Variants in ARHGEF18 observed in about 807,000 individuals in gnomAD.
The protein encoded by ARHGEF18 is Rho/Rac guanine nucleotide exchange factor 18.
ARHGEF18 carries 93 observed loss-of-function variants against 155.7 expected under a neutral mutation model. The ratio of observed to expected loss-of-function variants is 0.60; its 90% CI spans 0.50 to 0.71. The LOEUF (loss-of-function observed/expected upper bound fraction) is 0.71. ARHGEF18 is among the 30% of genes least tolerant of loss of function. The pLI is 0.00. For synonymous variants in ARHGEF18, 742 were observed against 753.1 expected, an observed-to-expected ratio of 0.99 and a Z score of 0.24; for missense variants, 1,593 against 1,816.1, an observed-to-expected ratio of 0.88 and a Z score of 2.23.
intron 10 of ARHGEF18, among the ~76,000 whole-genome samples, chr19:7,413,523 G>C (rs962952723): frequency 6.6e-6 from 1 of 152,030 alleles, no homozygotes; most frequent in South Asian, 2.1e-4. Context: ...GGATGGTTTC[G>C]ATCTCCTGAC....
chr19:7,431,098 G>A (rs1348151519), intron 10 of ARHGEF18, among the ~76,000 whole-genome samples: 1 of 152,070 alleles, frequency 6.6e-6, no homozygotes, highest in Non-Finnish European at 1.5e-5. Context: ...AGGCTGCAGT[G>A]AGCCGTGATC....
At chr19:7,362,656 C>T (rs988817524) in intron 1 of ARHGEF18, 125 bp from the exon 2 acceptor site, 2 of 896,862 alleles carry the variant, frequency 2.2e-6, no homozygotes, top group Non-Finnish European at 2.9e-6. Flanking sequence ...CCTCCCCTCA[C>T]CAACTCATTT....
At chr19:7,393,470 A>G (rs182244034) in intron 10 of ARHGEF18, among the ~76,000 whole-genome samples, 2 of 152,220 alleles carry the variant, frequency 1.3e-5, no homozygotes, top group Admixed American at 1.3e-4. Flanking sequence ...CAGACTCCCA[A>G]AGTGTTAGGA....
intron 3 of ARHGEF18, among the ~76,000 whole-genome samples, chr19:7,375,262 ACT>A (rs1167979242): frequency 1.5e-5 from 2 of 136,492 alleles, no homozygotes; most frequent in South Asian, 4.7e-4. Flanking sequence ...ACAGAGTGAG[ACT>A]CTGTCTCAAA....
chr19:7,371,834 G>T (rs1017466774), intron 2 of ARHGEF18, among the ~76,000 whole-genome samples: 10 of 152,014 alleles, frequency 6.6e-5, no homozygotes, highest in African/African-American at 2.4e-4. Context: ...AAAAAAAAAG[G>T]TTACGATGAT....
intron 19 of ARHGEF18, 71 bp downstream of exon 19, chr19:7,458,761 C>G (rs1281451866): frequency 1.3e-6 from 2 of 1,493,324 alleles, no homozygotes; most frequent in East Asian, 4.8e-5. Context: ...TGGCTTCGAC[C>G]GTTGGCCATC....
chr19:7,371,909 T>C (rs983531689), intron 2 of ARHGEF18, among the ~76,000 whole-genome samples: 5 of 152,006 alleles, frequency 3.3e-5, no homozygotes, highest in Non-Finnish European at 4.4e-5. Context: ...TATAAAGACA[T>C]CAACATGGGT....
At chr19:7,381,017 G>A in intron 8 of ARHGEF18, 23 bp downstream of exon 8, 1 of 1,231,210 alleles carries the variant, frequency 8.1e-7, no homozygotes, top group African/African-American at 1.6e-5. Flanking sequence ...ATCTGCTTCT[G>A]GGGAGGGCAG....
At chr19:7,416,797 GT>G (rs59137394) in intron 10 of ARHGEF18, among the ~76,000 whole-genome samples, 82,949 of 150,738 alleles carry the variant, frequency 0.55, 23,248 homozygotes, top group Middle Eastern at 0.74. Context: ...TGGAAACGGG[GT>G]TTCACTGTGT....
At chr19:7,408,224 G>A (rs1158370656) in intron 10 of ARHGEF18, among the ~76,000 whole-genome samples, 1 of 152,108 alleles carries the variant, frequency 6.6e-6, no homozygotes, top group Non-Finnish European at 1.5e-5. Flanking sequence ...GTTGCAGTGA[G>A]CCGAAATCGC....
chr19:7,464,497 TG>T, intron 22 of ARHGEF18, 62 bp from the exon 23 acceptor site: 19 of 1,551,456 alleles, frequency 1.2e-5, no homozygotes, highest in Non-Finnish European at 1.6e-5. Flanking sequence ...GGGGGTGGAC[TG>T]GGAAGCTTCC....
chr19:7,381,691 T>TAAATAATAAATAAATAAATAAATA (rs533011251), intron 8 of ARHGEF18, among the ~76,000 whole-genome samples: 1 of 146,092 alleles, frequency 6.8e-6, no homozygotes, highest in African/African-American at 2.6e-5. Flanking sequence ...AATAAATAAA[T>TAAATAATAAATAAATAAATAAATA]AATAAATAAA....
chr19:7,478,450 A>T, the ARHGEF18 span: 1 of 1,478,686 alleles, frequency 6.8e-7, no homozygotes, highest in Non-Finnish European at 9.2e-7. Context: ...CTGGCCCCGG[A>T]CATACAGTCT....
chr19:7,424,940 G>A (rs1379684644), intron 10 of ARHGEF18, among the ~76,000 whole-genome samples: 1 of 151,554 alleles, frequency 6.6e-6, no homozygotes, highest in Non-Finnish European at 1.5e-5. Flanking sequence ...GTTGCAGTGA[G>A]CCGAGATCAC....
At position 7,470,024 on chromosome 19, in the gene ARHGEF18, C is replaced by G. The variant is rs145000592; in HGVS notation, c.3908C>G (p.Pro1303Arg). The G allele has an allele frequency of 1.4e-5, 22 of 1,612,660 alleles. No homozygotes were observed. In the East Asian group the frequency reaches 4.5e-4, roughly 33 times the overall value. ...CCCGGCAGACACAGTCCTGCGCCCC[C>G]ACCAGGTGAGCCCCCACCCCCTGAC... Reference protein sequence around the residue: ...ILPGRHSPAPPPDPGFPAPSP... With the variant: ...ILPGRHSPAPRPDPGFPAPSP... Residue 1303 changes from proline (P) to arginine (R), a missense_variant, in exon 28 of 29, where the codon CCA becomes CGA. Coordinates refer to ENST00000668164, the MANE Select transcript of ARHGEF18 (RefSeq NM_001367823.1). This position sits in a 1 kb window ranked among gnomAD's most constrained non-coding sequence, Gnocchi z 5.9.
chr19:7,451,570 A>T (rs2145836354), intron 16 of ARHGEF18, among the ~76,000 whole-genome samples: 1 of 151,434 alleles, frequency 6.6e-6, no homozygotes, highest in South Asian at 2.1e-4. Context: ...GCCACTACAC[A>T]CAGTTAATTT....
At chr19:7,434,326 C>T (rs1261740035) in intron 10 of ARHGEF18, among the ~76,000 whole-genome samples, 25 of 152,132 alleles carry the variant, frequency 1.6e-4, no homozygotes, top group Non-Finnish European at 4.4e-5. Flanking sequence ...AAGACAAAAC[C>T]AACTTTTAAA....
At chr19:7,464,313 C>G (rs1267834903) in intron 22 of ARHGEF18, among the ~76,000 whole-genome samples, 1 of 152,202 alleles carries the variant, frequency 6.6e-6, no homozygotes, top group African/African-American at 2.4e-5. Flanking sequence ...GCTGAGATTG[C>G]AGGTGTGAGC....
intron 10 of ARHGEF18, among the ~76,000 whole-genome samples, chr19:7,406,982 A>G (rs151239011): frequency 0.015 from 2,071 of 140,366 alleles, 32 homozygotes; most frequent in African/African-American, 0.039. Flanking sequence ...GGAGAATGGC[A>G]TGAACCCGGG....
Sources: allele counts gnomAD v4.1 joint callset (sites outside exome capture counted in the v4.1 genomes callset), GRCh38; gene constraint gnomAD v4.1.1; non-coding constraint Gnocchi (gnomAD v3.1); transcripts MANE v1.5; gene names NCBI Gene and HGNC (gene_info 2026-07-23, HGNC 2026-07-21).